KCNIP4: variants seen among roughly 807,000 people sequenced by gnomAD.
The protein encoded by KCNIP4 is Kv channel-interacting protein 4.
A neutral mutation model predicts 34.0 loss-of-function variants in KCNIP4; 12 were observed. That is an observed-to-expected ratio of 0.35 (90% CI 0.23 to 0.57). KCNIP4 has a LOEUF of 0.57. Ranked by LOEUF, KCNIP4 falls within the 20% of genes least tolerant of loss-of-function variation. The pLI is 0.83. For synonymous variants in KCNIP4, 124 were observed against 102.2 expected (o/e 1.21, Z -1.29); for missense variants, 238 against 311.7 (o/e 0.76, Z 1.78).
At chr4:20,795,657 T>C (rs970249782) in intron 3 of KCNIP4, among the ~76,000 whole-genome samples, 9 of 152,206 alleles carry the variant, frequency 5.9e-5, no homozygotes, top group African/African-American at 2.2e-4. Context: ...TATCTGCTAA[T>C]TGGTACATTG....
At chr4:20,731,125 A>T (rs1748049200) in intron 8 of KCNIP4, among the ~76,000 whole-genome samples, 1 of 152,150 alleles carries the variant, frequency 6.6e-6, no homozygotes, top group Non-Finnish European at 1.5e-5. Context: ...TCTGTTGCCC[A>T]TCATTCTGGA....
chr4:21,320,641 G>A (rs1299999902), intron 1 of KCNIP4, among the ~76,000 whole-genome samples: 1 of 152,088 alleles, frequency 6.6e-6, no homozygotes, highest in Non-Finnish European at 1.5e-5. Flanking sequence ...TTGCTTGCCT[G>A]GCCCCAGTCT....
rs754318790 is a variant in KCNIP4, at chr4:20,850,675, G to A, written c.164-8C>T. 2.5e-6 allele frequency: 4 copies of A among 1,610,782 alleles called. No individual in the cohort carries two copies. Among genetic ancestry groups the A allele is most frequent in the Non-Finnish European group, 2.5e-6 (3 of 1,179,054 alleles). ...GTTCATCTTCCACGCTGTCTGTGGA[G>A]GAAAACAAGAAAGAGTCTTAGGACC... On this transcript the variant is annotated splice_region_variant and splice_polypyrimidine_tract_variant and intron_variant, in intron 2 of 8. Transcript: ENST00000382152.
At chr4:21,484,836 T>C (rs1731774340) in intron 1 of KCNIP4, among the ~76,000 whole-genome samples, 1 of 152,200 alleles carries the variant, frequency 6.6e-6, no homozygotes, top group Admixed American at 6.5e-5. Flanking sequence ...CTTGCTTATT[T>C]ATTTACTCAT....
At chr4:21,067,309 T>C (rs1744485071) in intron 1 of KCNIP4, among the ~76,000 whole-genome samples, 1 of 152,088 alleles carries the variant, frequency 6.6e-6, no homozygotes, top group African/African-American at 2.4e-5. Context: ...TGACTTCAGG[T>C]GAGACCCAGC....
At chr4:21,730,647 G>A (rs1715522826) in intron 1 of KCNIP4, among the ~76,000 whole-genome samples, 1 of 152,154 alleles carries the variant, frequency 6.6e-6, no homozygotes, top group Non-Finnish European at 1.5e-5. Context: ...ATGGGTAAAG[G>A]GGATGTAGGA....
At chr4:21,823,715 G>T (rs1164967326) in intron 1 of KCNIP4, among the ~76,000 whole-genome samples, 1 of 152,104 alleles carries the variant, frequency 6.6e-6, no homozygotes, top group African/African-American at 2.4e-5. Context: ...ACTCACCTGA[G>T]AAATCAGGCT....
At chr4:21,156,243 A>C (rs537399810) in intron 1 of KCNIP4, among the ~76,000 whole-genome samples, 1 of 152,180 alleles carries the variant, frequency 6.6e-6, no homozygotes, top group Admixed American at 6.6e-5. Flanking sequence ...GCTTGGAAGA[A>C]GCTGTCTAGC....
chr4:21,151,476 A>G (rs921153548), intron 1 of KCNIP4, among the ~76,000 whole-genome samples: 6 of 125,954 alleles, frequency 4.8e-5, no homozygotes, highest in Admixed American at 3.1e-4. Context: ...GAGTGCTAGC[A>G]TGGGTGAGAT....
At chr4:20,923,613 CCACCAAT>C (rs1302514162) in intron 1 of KCNIP4, among the ~76,000 whole-genome samples, 2 of 152,106 alleles carry the variant, frequency 1.3e-5, no homozygotes, top group Admixed American at 6.5e-5. Flanking sequence ...TACTAGAGAA[CCACCAAT>C]GTATGAGTTA....
At chr4:21,385,066 G>C (rs900985043) in intron 1 of KCNIP4, among the ~76,000 whole-genome samples, 21 of 152,252 alleles carry the variant, frequency 1.4e-4, no homozygotes, top group Non-Finnish European at 7.3e-5. Context: ...AGACTTTCAG[G>C]GTTGACAGAC....
chr4:20,767,005 CTAT>C, intron 3 of KCNIP4: 1 of 152,258 alleles, frequency 6.6e-6, no homozygotes, highest in East Asian at 1.9e-4. Context: ...ACATATTATG[CTAT>C]TATCCTAGCC....
chr4:21,478,797 C>G (rs1266638519), intron 1 of KCNIP4, among the ~76,000 whole-genome samples: 3 of 152,106 alleles, frequency 2.0e-5, no homozygotes, highest in African/African-American at 4.8e-5. Flanking sequence ...ATCTGGATCC[C>G]TTATACAGTT....
intron 1 of KCNIP4, among the ~76,000 whole-genome samples, chr4:21,533,516 T>C (rs1736890687): frequency 6.6e-6 from 1 of 152,270 alleles, no homozygotes; most frequent in African/African-American, 2.4e-5. Context: ...ATCTGTTATT[T>C]CCAACACAAA....
At chr4:21,053,855 T>C (rs1455726529) in intron 1 of KCNIP4, among the ~76,000 whole-genome samples, 1 of 152,072 alleles carries the variant, frequency 6.6e-6, no homozygotes, top group African/African-American at 2.4e-5. Flanking sequence ...ATGAACAAAA[T>C]CAAAGAAGAC....
chr4:21,340,576 A>T (rs540137173), intron 1 of KCNIP4, among the ~76,000 whole-genome samples: 1 of 152,184 alleles, frequency 6.6e-6, no homozygotes, highest in East Asian at 1.9e-4. Flanking sequence ...TCATTATCAC[A>T]CACATCTTCT....
At chr4:21,907,669 T>A (rs1048198381) in intron 1 of KCNIP4, among the ~76,000 whole-genome samples, 1 of 152,164 alleles carries the variant, frequency 6.6e-6, no homozygotes, top group African/African-American at 2.4e-5. Context: ...CAATCAGTAG[T>A]GTTTCTGTGT....
At chr4:21,551,717 G>A (rs1056168556) in intron 1 of KCNIP4, among the ~76,000 whole-genome samples, 1 of 151,990 alleles carries the variant, frequency 6.6e-6, no homozygotes, top group Non-Finnish European at 1.5e-5. Flanking sequence ...ATCTAACCTT[G>A]CCTAGTATCC....
chr4:21,804,696 T>C (rs1006918306), intron 1 of KCNIP4, among the ~76,000 whole-genome samples: 1 of 152,202 alleles, frequency 6.6e-6, no homozygotes, highest in African/African-American at 2.4e-5. Context: ...TGAATATTCA[T>C]ATAACAGCCT....
Sources: gnomAD v4.1 joint callset for allele counts (sites outside exome capture counted in the v4.1 genomes callset) on GRCh38, gnomAD v4.1.1 for gene constraint, MANE v1.5 for transcripts, NCBI Gene and HGNC (gene_info 2026-07-23, HGNC 2026-07-21) for gene names.